The following SLC4A4 variants were observed in gnomAD, a reference collection of about 807,000 sequenced individuals.
SLC4A4 encodes the protein solute carrier family 4 member 4, also known as electrogenic sodium bicarbonate cotransporter 1.
In SLC4A4, 27 loss-of-function variants were observed where a neutral mutation model predicts 111.5. That is an observed-to-expected ratio of 0.24 (90% CI 0.18 to 0.33). The LOEUF (loss-of-function observed/expected upper bound fraction) is 0.33. SLC4A4 is among the 10% of genes least tolerant of loss of function. SLC4A4 has a pLI of 1.00. For synonymous variants in SLC4A4, 443 were observed against 463.4 expected (o/e 0.96, Z 0.57); for missense variants, 909 against 1,315.5 (o/e 0.69, Z 4.78).
At chr4:71,161,006 C>T (rs1022992682) in intron 2 of SLC4A4, among the ~76,000 whole-genome samples, 7 of 152,044 alleles carry the variant, frequency 4.6e-5, no homozygotes, top group South Asian at 2.1e-4. Flanking sequence ...GCAAATAAAC[C>T]GTATTTTCAC....
At chr4:71,473,384 T>C in intron 14 of SLC4A4, 1 of 383,708 alleles carries the variant, frequency 2.6e-6, no homozygotes, top group Non-Finnish European at 4.7e-6. Flanking sequence ...TAATACATGA[T>C]TTTAAACTTA....
At chr4:71,218,424 T>G (rs965636761) in intron 1 of SLC4A4, among the ~76,000 whole-genome samples, 17 of 152,318 alleles carry the variant, frequency 1.1e-4, no homozygotes, top group African/African-American at 2.6e-4. Flanking sequence ...GCTTCCAACT[T>G]AATTTTGGAA....
intron 25 of SLC4A4, 137 bp downstream of exon 25, chr4:71,567,220 C>A: frequency 2.9e-6 from 2 of 701,040 alleles, no homozygotes; most frequent in Non-Finnish European, 4.7e-6. Flanking sequence ...ACCCAGTGAC[C>A]AAAACTTGTT....
intron 13 of SLC4A4, among the ~76,000 whole-genome samples, chr4:71,471,416 G>A (rs930994625): frequency 8.6e-5 from 13 of 151,938 alleles, no homozygotes; most frequent in African/African-American, 2.9e-4. Context: ...ATATCAATGA[G>A]GGGGTTTGTA....
chr4:71,122,895 T>A (rs1743472730), intron 2 of SLC4A4, among the ~76,000 whole-genome samples: 1 of 152,082 alleles, frequency 6.6e-6, no homozygotes, highest in African/African-American at 2.4e-5. Context: ...TAAAGAAGGG[T>A]AGAAAATTTG....
At chr4:71,244,431 T>C (rs1720481794) in intron 2 of SLC4A4, among the ~76,000 whole-genome samples, 1 of 152,184 alleles carries the variant, frequency 6.6e-6, no homozygotes, top group African/African-American at 2.4e-5. Context: ...AAAAATACCT[T>C]GATACTTCCA....
chr4:71,566,977 A>T, intron 24 of SLC4A4, 27 bp from the exon 25 acceptor site: 1 of 1,585,628 alleles, frequency 6.3e-7, no homozygotes, highest in Non-Finnish European at 8.6e-7. Flanking sequence ...TCTACCATTT[A>T]TGTTTTTAAA....
In SLC4A4 at chr4:71,203,016, A is replaced by T. The variant is rs374150727; in HGVS notation, c.-2+15615A>T. On this transcript the variant is annotated intron_variant, in intron 1 of 25. Transcript: ENST00000264485. ...TTTTTTTCCTATTGAGACTAAGAAT[A>T]TATAACACATTTAAGATTTTAGTTC... 6.6e-5 allele frequency among the ~76,000 whole-genome samples: 10 copies of T among 152,226 alleles called. No homozygotes were observed. The East Asian group carries it at 1.9e-3, about 29-fold the overall frequency.
At chr4:71,121,132 G>A (rs1358724154) in intron 2 of SLC4A4, among the ~76,000 whole-genome samples, 2 of 152,134 alleles carry the variant, frequency 1.3e-5, no homozygotes, top group South Asian at 4.1e-4. Flanking sequence ...CGCCGCACTC[G>A]AATTCTTGCA....
chr4:71,080,293 G>A (rs1441536830), intron 1 of SLC4A4, among the ~76,000 whole-genome samples: 1 of 152,032 alleles, frequency 6.6e-6, no homozygotes, highest in Non-Finnish European at 1.5e-5. Flanking sequence ...AGTCAGGGCT[G>A]GGTCTACTGG....
At chr4:71,471,630 T>G (rs1727877915) in intron 13 of SLC4A4, among the ~76,000 whole-genome samples, 1 of 151,938 alleles carries the variant, frequency 6.6e-6, no homozygotes, top group African/African-American at 2.4e-5. Flanking sequence ...TACTACCCGC[T>G]TTTTCGTCAC....
intron 2 of SLC4A4, among the ~76,000 whole-genome samples, chr4:71,152,015 C>A (rs1002729049): frequency 5.3e-5 from 8 of 151,560 alleles, no homozygotes; most frequent in African/African-American, 1.9e-4. Context: ...CAGAGCAAAA[C>A]CCTCTCAAAA....
chr4:71,367,569 T>C (rs1731446584), intron 6 of SLC4A4, among the ~76,000 whole-genome samples: 1 of 152,204 alleles, frequency 6.6e-6, no homozygotes, highest in South Asian at 2.1e-4. Context: ...TATGATAATA[T>C]ACATTTCTAA....
At chr4:71,146,532 A>G (rs1235527125) in intron 2 of SLC4A4, among the ~76,000 whole-genome samples, 3 of 152,108 alleles carry the variant, frequency 2.0e-5, no homozygotes, top group South Asian at 4.1e-4. Context: ...TCACCTGTCT[A>G]ATGTGGACAG....
At position 71,555,252 on chromosome 4, in the gene SLC4A4, G is replaced by C. The variant is rs774701792; in HGVS notation, c.2763+44G>C. ...ATGTAAGTACAGTAGTGTTTTTCTAGTAGTAAGAATAGTCCAGTAACAGAT... is the reference window on the plus strand; with the variant it reads ...ATGTAAGTACAGTAGTGTTTTTCTACTAGTAAGAATAGTCCAGTAACAGAT... On this transcript the variant is annotated intron_variant, in intron 21 of 25. Transcript: ENST00000264485. 1.3e-5 allele frequency: 16 copies of C among 1,274,954 alleles called. No homozygotes were observed. In the Admixed American group the frequency reaches 1.9e-4, roughly 15 times the overall value. 79.0% of individuals were successfully genotyped at this position (1,274,954 alleles called of 1,614,324 possible).
At chr4:71,449,625 C>T (rs1182680503) in intron 9 of SLC4A4, among the ~76,000 whole-genome samples, 1 of 152,060 alleles carries the variant, frequency 6.6e-6, no homozygotes, top group East Asian at 1.9e-4. Context: ...TGAACAGGGA[C>T]CATCTTCTCT....
chr4:71,367,835 A>G (rs995663118), intron 6 of SLC4A4, among the ~76,000 whole-genome samples: 1 of 152,234 alleles, frequency 6.6e-6, no homozygotes, highest in African/African-American at 2.4e-5. Context: ...TCGATTTTAT[A>G]ATGTGCCGAA....
At chr4:71,548,544 T>C (rs534578287) in intron 20 of SLC4A4, among the ~76,000 whole-genome samples, 1 of 152,008 alleles carries the variant, frequency 6.6e-6, no homozygotes, top group South Asian at 2.1e-4. Flanking sequence ...TTGCGAATTA[T>C]TGATAGTTTG....
rs1318244583 is a variant in SLC4A4 at position 71,429,706 on chromosome 4, ACT to A, written c.808-10907_808-10906del. On this transcript the variant is annotated intron_variant, in intron 7 of 25. Coordinates refer to ENST00000264485, the MANE Select transcript of SLC4A4 (RefSeq NM_001098484.3). ...TTGGCTAAAGGAATTTTTGTTTTTC[ACT>A]CTGTGTGTTCTTGTAGTTGACCCTG... Among the ~76,000 whole-genome samples the A allele has an allele frequency of 6.6e-5, 10 of 152,068 alleles. No homozygotes were observed. In the East Asian group the frequency reaches 1.9e-3, roughly 29 times the overall value.
Sources: allele counts gnomAD v4.1 joint callset (sites outside exome capture counted in the v4.1 genomes callset), GRCh38; gene constraint gnomAD v4.1.1; transcripts MANE v1.5; gene names NCBI Gene and HGNC (gene_info 2026-07-23, HGNC 2026-07-21).